DTNB: variants seen among roughly 807,000 people sequenced by gnomAD.
DTNB encodes the protein dystrobrevin beta.
DTNB carries 63 observed loss-of-function variants against 90.7 expected under a neutral mutation model. The observed-to-expected ratio is 0.69, with a 90% confidence interval of 0.57 to 0.86. The LOEUF is 0.86. DTNB is among the 40% of genes least tolerant of loss of function. DTNB has a pLI of 0.00. For synonymous variants in DTNB, 277 were observed against 286.7 expected, an observed-to-expected ratio of 0.97 and a Z score of 0.34; for missense variants, 744 against 807.1, an observed-to-expected ratio of 0.92 and a Z score of 0.95.
intron 10 of DTNB, among the ~76,000 whole-genome samples, chr2:25,459,177 G>C (rs2060536467): frequency 6.6e-6 from 1 of 151,992 alleles, no homozygotes; most frequent in African/African-American, 2.4e-5. Context: ...TAGGTTTATA[G>C]TTTTTAATGA....
intron 8 of DTNB, among the ~76,000 whole-genome samples, chr2:25,566,371 G>T (rs1040415229): frequency 2.0e-5 from 3 of 152,156 alleles, no homozygotes; most frequent in African/African-American, 7.2e-5. Flanking sequence ...CTGACACTTC[G>T]ATTTCAGCTC....
intron 9 of DTNB, among the ~76,000 whole-genome samples, chr2:25,515,316 G>C (rs1167183227): frequency 6.6e-6 from 1 of 152,044 alleles, no homozygotes; most frequent in Non-Finnish European, 1.5e-5. Flanking sequence ...GAAATGCAAA[G>C]GATTAAAATA....
intron 16 of DTNB, among the ~76,000 whole-genome samples, chr2:25,397,748 C>T (rs539414585): frequency 1.1e-4 from 16 of 152,062 alleles, no homozygotes; most frequent in Non-Finnish European, 2.4e-4. Context: ...GGCATGGTGG[C>T]GCATGCCTAT....
chr2:25,561,800 T>A (rs2891464), intron 8 of DTNB, among the ~76,000 whole-genome samples: 45,048 of 152,124 alleles, frequency 0.3, 7,356 homozygotes, highest in Middle Eastern at 0.41. Flanking sequence ...CAGACATTGG[T>A]GCCATGCTTG....
intron 18 of DTNB, among the ~76,000 whole-genome samples, chr2:25,385,067 G>A (rs559542466): frequency 8.6e-5 from 13 of 151,730 alleles, no homozygotes; most frequent in South Asian, 2.1e-4. Context: ...TAGTAGAGAC[G>A]GGGTTTCATC....
chr2:25,400,753 A>G (rs960419631), intron 16 of DTNB, among the ~76,000 whole-genome samples: 1 of 152,226 alleles, frequency 6.6e-6, no homozygotes, highest in Admixed American at 6.5e-5. Flanking sequence ...GCTTGAGTCC[A>G]GCACAGGCCA....
intron 16 of DTNB, among the ~76,000 whole-genome samples, chr2:25,393,678 T>C (rs1009462595): frequency 6.6e-6 from 1 of 152,020 alleles, no homozygotes; most frequent in Non-Finnish European, 1.5e-5. Context: ...CTTAGGAATA[T>C]ACCTAACTAA....
At chr2:25,589,367 C>CTCTTTTTT (rs2063078912) in intron 6 of DTNB, among the ~76,000 whole-genome samples, 54 of 57,546 alleles carry the variant, frequency 9.4e-4, no homozygotes, top group Non-Finnish European at 1.3e-3. Flanking sequence ...TTTTTCTTTT[C>CTCTTTTTT]TTTTTTTTTT....
chr2:25,607,080 T>C (rs1302099685), intron 5 of DTNB, among the ~76,000 whole-genome samples, 156 bp downstream of exon 5: 1 of 152,198 alleles, frequency 6.6e-6, no homozygotes, highest in East Asian at 1.9e-4. Flanking sequence ...GAACAGTAGG[T>C]GGCATAACTC....
intron 9 of DTNB, chr2:25,497,476 T>C (rs1409387768): frequency 6.6e-6 from 1 of 152,124 alleles, no homozygotes; most frequent in Non-Finnish European, 1.5e-5. Context: ...GCAGTCTAGG[T>C]AGGTAGCTAT....
At chr2:25,591,990 G>A (rs1218230411) in intron 6 of DTNB, among the ~76,000 whole-genome samples, 1 of 150,372 alleles carries the variant, frequency 6.7e-6, no homozygotes, top group Non-Finnish European at 1.5e-5. Context: ...GAACCGGGGA[G>A]GCAGAGGTTG....
chr2:25,506,734 GT>G (rs2072547301), intron 9 of DTNB, among the ~76,000 whole-genome samples: 2 of 152,082 alleles, frequency 1.3e-5, no homozygotes, highest in Non-Finnish European at 2.9e-5. Flanking sequence ...TAAATTTAAT[GT>G]TTTCTGCACA....
chr2:25,580,082 A>G (rs761598779), intron 7 of DTNB, among the ~76,000 whole-genome samples: 1 of 148,180 alleles, frequency 6.7e-6, no homozygotes, highest in Non-Finnish European at 1.5e-5. Context: ...CCCAGGTTCA[A>G]GCAATTCTCC....
chr2:25,454,461 T>G (rs912890296), intron 11 of DTNB, among the ~76,000 whole-genome samples: 2 of 152,190 alleles, frequency 1.3e-5, no homozygotes, highest in African/African-American at 4.8e-5. Flanking sequence ...TGGTTTTCTC[T>G]CTAAGAACAA....
At chr2:25,664,352 G>A (rs1284093904) in intron 1 of DTNB, among the ~76,000 whole-genome samples, 1 of 152,114 alleles carries the variant, frequency 6.6e-6, no homozygotes, top group East Asian at 1.9e-4. Context: ...TTTCTTTGCA[G>A]GAATCTTTGT....
chr2:25,412,592 T>C (rs1156456979), intron 16 of DTNB, among the ~76,000 whole-genome samples: 2 of 152,240 alleles, frequency 1.3e-5, no homozygotes, highest in Non-Finnish European at 2.9e-5. Flanking sequence ...TAAACATATA[T>C]AAAGTCTTTT....
At chr2:25,545,085 T>C (rs1338658775) in intron 8 of DTNB, among the ~76,000 whole-genome samples, 1 of 152,266 alleles carries the variant, frequency 6.6e-6, no homozygotes, top group Non-Finnish European at 1.5e-5. Context: ...CAGCACTCTG[T>C]ATTCTGATTA....
intron 1 of DTNB, among the ~76,000 whole-genome samples, chr2:25,664,141 T>C (rs1022334365): frequency 6.6e-6 from 1 of 152,248 alleles, no homozygotes; most frequent in Non-Finnish European, 1.5e-5. Flanking sequence ...ATATTTTAAA[T>C]AGTATTTTTA....
At chr2:25,536,607 CAAGAG>C (rs2079843817) in intron 8 of DTNB, among the ~76,000 whole-genome samples, 1 of 151,812 alleles carries the variant, frequency 6.6e-6, no homozygotes. Context: ...CAGGCCGAGG[CAAGAG>C]AATCACCGGA....
Sources: allele counts gnomAD v4.1 joint callset (sites outside exome capture counted in the v4.1 genomes callset), GRCh38; gene constraint gnomAD v4.1.1; transcripts MANE v1.5; gene names NCBI Gene and HGNC (gene_info 2026-07-23, HGNC 2026-07-21).